The following COL14A1 variants were observed in gnomAD, a reference collection of about 807,000 sequenced individuals.
The protein encoded by COL14A1 is collagen alpha-1(XIV) chain.
Under a neutral mutation model 230.3 loss-of-function variants are expected in COL14A1, and 136 were observed. That is an observed-to-expected ratio of 0.59 (90% CI 0.51 to 0.68). The LOEUF (loss-of-function observed/expected upper bound fraction) is 0.68. Ranked by LOEUF, COL14A1 falls within the 30% of genes least tolerant of loss-of-function variation. The probability of loss-of-function intolerance (pLI) is 0.00; values close to 1 mark genes in which losing one functional copy is unlikely to be tolerated. For missense variants in COL14A1, 1,976 were observed against 2,215.8 expected, an observed-to-expected ratio of 0.89 and a Z score of 2.17; for synonymous variants, 792 against 784.1, an observed-to-expected ratio of 1.01 and a Z score of -0.17.
chr8:120,248,402 A>G (rs1010578514), intron 21 of COL14A1, among the ~76,000 whole-genome samples: 1 of 152,174 alleles, frequency 6.6e-6, no homozygotes, highest in Admixed American at 6.5e-5. Flanking sequence ...CACCTCTTAC[A>G]GTACCATCTC....
At chr8:120,254,568 T>C (rs1819077607) in intron 22 of COL14A1, among the ~76,000 whole-genome samples, 1 of 152,116 alleles carries the variant, frequency 6.6e-6, no homozygotes, top group Non-Finnish European at 1.5e-5. Context: ...GTATTACATA[T>C]TTATTGTGTA....
At chr8:120,198,767 A>G (rs886326882) in intron 7 of COL14A1, among the ~76,000 whole-genome samples, 1 of 152,200 alleles carries the variant, frequency 6.6e-6, no homozygotes, top group Non-Finnish European at 1.5e-5. Flanking sequence ...AGATGAAGCA[A>G]TGTAGATGTT....
rs57494529 is a variant in COL14A1, at chr8:120,186,616, T to C, written c.437-10175T>C. ...AAAATATCAAGGAAGGCAGGCCACTTTGATACAATCTCCCTGATTCCTAAA... is the reference window on the plus strand; with the variant it reads ...AAAATATCAAGGAAGGCAGGCCACTCTGATACAATCTCCCTGATTCCTAAA... On this transcript the variant is annotated intron_variant, in intron 5 of 47. Coordinates refer to ENST00000297848, the MANE Select transcript of COL14A1 (RefSeq NM_021110.4). Among the ~76,000 whole-genome samples, 1,087 of 152,308 alleles carry C rather than the reference T, an allele frequency of 7.1e-3. 14 individuals are homozygous for C. Among genetic ancestry groups the C allele is most frequent in the African/African-American group, 0.024 (1,000 of 41,574 alleles).
Position 120,228,786 on chromosome 8 carries a change from G to A in COL14A1, c.2197+17G>A, listed in dbSNP as rs1818170420. Reference sequence around the variant, plus strand: ...TGACTTCAGGTAAGGTCAAATAGTAGCCTGCTTAACCACTTTAAAAATTTT... The same window carrying A: ...TGACTTCAGGTAAGGTCAAATAGTAACCTGCTTAACCACTTTAAAAATTTT... On this transcript the variant is annotated intron_variant, in intron 18 of 47. Coordinates refer to ENST00000297848, the MANE Select transcript of COL14A1 (RefSeq NM_021110.4). The A allele has an allele frequency of 5.6e-6, 9 of 1,610,368 alleles. No individual in the cohort carries two copies. In the East Asian group the frequency reaches 1.1e-4, roughly 20 times the overall value.
rs571813647 is a variant in COL14A1 at position 120,329,671 on chromosome 8, T to C, written c.4660-2470T>C. 5.9e-5 allele frequency among the ~76,000 whole-genome samples: 9 copies of C among 152,334 alleles called. No individual in the cohort carries two copies. The South Asian group carries it at 1.9e-3, about 32-fold the overall frequency. ...ATTTGTATTGTTTAGTTAGCAGGTC[T>C]AAGGACCTGTGTATGTGTGTGTGCA... On this transcript the variant is annotated intron_variant, in intron 40 of 47. Transcript: ENST00000297848.
intron 12 of COL14A1, among the ~76,000 whole-genome samples, chr8:120,210,917 AAGAG>A (rs1456879874): frequency 1.3e-5 from 2 of 152,140 alleles, no homozygotes; most frequent in Admixed American, 6.5e-5. Context: ...ATTTTGACAA[AAGAG>A]AGACTTACAA....
At chr8:120,146,896 G>A (rs1225388662) in intron 1 of COL14A1, among the ~76,000 whole-genome samples, 1 of 152,004 alleles carries the variant, frequency 6.6e-6, no homozygotes, top group Admixed American at 6.6e-5. Flanking sequence ...ATCTCTGAGG[G>A]AAGGATTTCA....
intron 19 of COL14A1, among the ~76,000 whole-genome samples, chr8:120,236,500 G>A (rs935358181): frequency 6.6e-6 from 1 of 151,292 alleles, no homozygotes; most frequent in Non-Finnish European, 1.5e-5. Context: ...TTTATTTTGA[G>A]TCTATGTGTG....
rs918687494 is a variant in COL14A1, at chr8:120,270,278, T to C, written c.3213+104T>C. 29 of 1,189,194 alleles carry C rather than the reference T, an allele frequency of 2.4e-5. No individual in the cohort carries two copies. The African/African-American group carries it at 3.3e-4, about 13-fold the overall frequency. The allele number at this position is 1,189,194 out of a possible 1,614,324, so 73.7% of individuals were successfully genotyped here. On this transcript the variant is annotated intron_variant, in intron 26 of 47. Coordinates refer to ENST00000297848, the MANE Select transcript of COL14A1 (RefSeq NM_021110.4). The stretch of plus-strand genomic sequence containing the variant: ...GACTATAGGTCAAGAACTGTAATGA[T>C]TGGGTTCAACCTTAAATGAAAGGAT...
chr8:120,192,095 T>C (rs1368577747), intron 5 of COL14A1, among the ~76,000 whole-genome samples: 1 of 152,146 alleles, frequency 6.6e-6, no homozygotes, highest in Non-Finnish European at 1.5e-5. Context: ...ATTATGATGT[T>C]AGCTGGTTAT....
rs1818109192 is a variant in COL14A1 at position 120,226,728 on chromosome 8, T to C, written c.1966T>C (p.Leu656=). Residue 656 remains leucine (L), a synonymous_variant, in exon 16 of 48, where the codon TTG becomes CTG. Coordinates refer to ENST00000297848, the MANE Select transcript of COL14A1 (RefSeq NM_021110.4). ...PLSADEGLHK[L]MWIPVYGGKT... The stretch of plus-strand genomic sequence containing the variant: ...CTCAGCTGATGAAGGGCTACACAAA[T>C]TGATGTGGATTCCAGTCTATGGGGG... The C allele has an allele frequency of 1.9e-6, 3 of 1,613,656 alleles. No homozygotes were observed.
At chr8:120,266,390 C>G (rs1197326330) in intron 24 of COL14A1, among the ~76,000 whole-genome samples, 2 of 151,696 alleles carry the variant, frequency 1.3e-5, no homozygotes, top group South Asian at 2.1e-4. Context: ...CCACTGGTGA[C>G]CAGTATCCTG....
intron 23 of COL14A1, among the ~76,000 whole-genome samples, chr8:120,260,446 T>C (rs1256340178): frequency 6.6e-6 from 1 of 152,170 alleles, no homozygotes; most frequent in African/African-American, 2.4e-5. Flanking sequence ...AGATTCTGTT[T>C]ATTCTTCATA....
intron 5 of COL14A1, among the ~76,000 whole-genome samples, chr8:120,189,898 T>G (rs1337299301): frequency 3.7e-4 from 56 of 151,736 alleles, no homozygotes; most frequent in African/African-American, 1.0e-3. Context: ...TGGACATTTG[T>G]GTTGGTTCCA....
intron 4 of COL14A1, among the ~76,000 whole-genome samples, chr8:120,165,404 A>G (rs184924389): frequency 3.3e-5 from 5 of 152,324 alleles, no homozygotes; most frequent in Admixed American, 1.3e-4. Context: ...ACAGAAAGGA[A>G]TATCTGATCT....
Position 120,180,759 on chromosome 8 carries a change from G to A in COL14A1, c.436+12512G>A, listed in dbSNP as rs180838362. On this transcript the variant is annotated intron_variant, in intron 5 of 47. Transcript: ENST00000297848. ...GTCTCGGTCTGTTTCCCAGGCTGGC[G>A]TGCAGTGGCACAATATCTGCTCACT... 3.5e-3 allele frequency among the ~76,000 whole-genome samples: 490 copies of A among 139,650 alleles called. 1 individual carries two copies. The highest frequency in any genetic ancestry group is 8.4e-3 in the Admixed American group (112 of 13,278). The allele number at this position is 139,650 out of a possible 152,430, so 91.6% of individuals were successfully genotyped here.
rs971229861 is a variant in COL14A1 at position 120,203,624 on chromosome 8, T to C, written c.878-85T>C. 4 of 1,261,666 alleles carry C rather than the reference T, an allele frequency of 3.2e-6. No homozygotes were observed. The African/African-American group carries it at 5.9e-5, about 19-fold the overall frequency. 78.2% of individuals were successfully genotyped at this position (1,261,666 alleles called of 1,614,324 possible). A position where few individuals can be genotyped will look rare whatever the true frequency, so the allele number is the denominator to read the frequency against. The stretch of plus-strand genomic sequence containing the variant: ...TGCTTTGACTGCAGTGAAGATTGAC[T>C]GACTGGGTCAGATCAGGCCCACCGC... On this transcript the variant is annotated intron_variant, in intron 8 of 47. Coordinates refer to ENST00000297848, the MANE Select transcript of COL14A1 (RefSeq NM_021110.4).
chr8:120,369,671 T>G (rs902861877), intron 47 of COL14A1, among the ~76,000 whole-genome samples, 186 bp downstream of exon 47: 3 of 152,260 alleles, frequency 2.0e-5, no homozygotes, highest in Non-Finnish European at 4.4e-5. Flanking sequence ...CTATAGAGGC[T>G]ACTCCCTTAA....
intron 30 of COL14A1, 33 bp from the exon 31 acceptor site, chr8:120,280,888 T>G: frequency 6.7e-7 from 1 of 1,499,414 alleles, no homozygotes; most frequent in East Asian, 2.3e-5. Flanking sequence ...ATTCCTTATG[T>G]TTATTCTTTT....
Sources: allele counts gnomAD v4.1 joint callset (sites outside exome capture counted in the v4.1 genomes callset), GRCh38; gene constraint gnomAD v4.1.1; transcripts MANE v1.5; gene names NCBI Gene and HGNC (gene_info 2026-07-23, HGNC 2026-07-21).